The following SEC31B variants were observed in gnomAD, a reference collection of about 807,000 sequenced individuals.
SEC31B encodes SEC31 homolog B, COPII component.
In SEC31B, 113 loss-of-function variants were observed where a neutral mutation model predicts 135.0. The observed-to-expected ratio is 0.84, with a 90% CI of 0.72 to 0.98. SEC31B has a LOEUF of 0.98. Among genes scored for constraint, SEC31B ranks in the 50% least tolerant of loss-of-function variants. The pLI, the probability that SEC31B is intolerant of heterozygous loss-of-function variation, is 0.00. For missense variants in SEC31B, 1,296 were observed against 1,421.1 expected (o/e 0.91, Z 1.42); for synonymous variants, 508 against 549.4 (o/e 0.92, Z 1.05).
chr10:100,505,324 ACAAAC>A, intron 10 of SEC31B, 32 bp downstream of exon 10: 12 of 1,603,644 alleles, frequency 7.5e-6, no homozygotes, highest in Admixed American at 5.1e-5. Context: ...ACACACACAC[ACAAAC>A]ACACACACAC....
Position 100,507,456 on chromosome 10 carries a change from A to G in SEC31B, c.751T>C (p.Ser251Pro). 1.1e-5 allele frequency: 18 copies of G among 1,614,234 alleles called. No individual in the cohort carries two copies. Among genetic ancestry groups the G allele is most frequent in the Non-Finnish European group, 1.5e-5 (18 of 1,180,040 alleles). Residue 251 changes from serine to proline, a missense_variant, in exon 7 of 26, where the codon TCG becomes CCG. Ser to Pro is a moderately conservative substitution (Grantham distance 74). Transcript: ENST00000370345. Reference sequence around the variant, plus strand: ...TGGCTCTCCAGCACCTTCAAGGGCGAGGAGGCAAAGCGCAAGTCCCACAGC... The same window carrying G: ...TGGCTCTCCAGCACCTTCAAGGGCGGGGAGGCAAAGCGCAAGTCCCACAGC... ...IQLWDLRFASSPLKVLESHSR... is the reference protein window; with the variant it reads ...IQLWDLRFASPPLKVLESHSR...
intron 5 of SEC31B, chr10:100,508,685 C>A: frequency 4.7e-6 from 2 of 426,274 alleles, no homozygotes; most frequent in Non-Finnish European, 8.8e-6. Flanking sequence ...CAATGCCCTA[C>A]CCAACCCTGC....
At chr10:100,489,887 TC>T in intron 21 of SEC31B, 120 bp downstream of exon 21, 1 of 1,545,926 alleles carries the variant, frequency 6.5e-7, no homozygotes, top group Middle Eastern at 1.7e-4. Flanking sequence ...CCATCTACAC[TC>T]CCAGCCACCC....
rs201880976 is a variant in SEC31B, at chr10:100,495,697, T to C, written c.2311-151A>G. On this transcript the variant is annotated intron_variant, in intron 18 of 25. Transcript: ENST00000370345. ...TTGTTCTGTTCTGTTTTGTTTTGTT[T>C]TAGGTTTTTAGCAGCCTGAAGCCAT... 137 of 921,256 alleles carry C rather than the reference T, an allele frequency of 1.5e-4. No individual in the cohort carries two copies. The East Asian group carries it at 3.3e-3, about 22-fold the overall frequency. 57.1% of individuals were successfully genotyped at this position (921,256 alleles called of 1,614,324 possible).
At chr10:100,492,681 C>T (rs571069808) in intron 19 of SEC31B, among the ~76,000 whole-genome samples, 3 of 152,258 alleles carry the variant, frequency 2.0e-5, no homozygotes, top group African/African-American at 7.2e-5. Context: ...ATGGAATCCA[C>T]AAAAAACTTC....
At position 100,498,149 on chromosome 10, in the gene SEC31B, C is replaced by T. The variant is rs1254377628; in HGVS notation, c.1743G>A (p.Glu581=). The part of the protein sequence containing the change: ...LLLGELGPAV[E]LCLKEERFAD... Reference sequence around the variant, plus strand: ...CAAAGCGCTCCTCCTTCAGACACAGCTCCACGGCCGGACCCAGTTCCCCAA... The same window carrying T: ...CAAAGCGCTCCTCCTTCAGACACAGTTCCACGGCCGGACCCAGTTCCCCAA... The change falls in exon 15 of 26, where the codon GAG becomes GAA. Residue 581 remains glutamate (E), a synonymous_variant. Coordinates refer to ENST00000370345, the MANE Select transcript of SEC31B (RefSeq NM_015490.4). 1.2e-6 allele frequency: 2 copies of T among 1,614,216 alleles called. No individual in the cohort carries two copies. Among genetic ancestry groups the T allele is most frequent in the Non-Finnish European group, 1.7e-6 (2 of 1,180,038 alleles).
intron 5 of SEC31B, 80 bp from the exon 6 acceptor site, chr10:100,508,131 C>A (rs1851668500): frequency 6.5e-7 from 1 of 1,545,686 alleles, no homozygotes; most frequent in Non-Finnish European, 8.9e-7. Context: ...CTGCTCCCAG[C>A]CACCCACAGC....
intron 24 of SEC31B, among the ~76,000 whole-genome samples, 165 bp downstream of exon 24, chr10:100,488,693 A>G (rs1459899309): frequency 6.6e-6 from 1 of 152,136 alleles, no homozygotes; most frequent in African/African-American, 2.4e-5. Flanking sequence ...ACCAGACTCA[A>G]AAGTCTCTCC....
intron 22 of SEC31B, 107 bp from the exon 23 acceptor site, chr10:100,489,505 T>A: frequency 7.1e-7 from 1 of 1,411,602 alleles, no homozygotes; most frequent in Non-Finnish European, 9.8e-7. Flanking sequence ...AGAGTGAGTG[T>A]GGGAAACTGG....
At chr10:100,510,775 G>GC (rs1851723014) in intron 3 of SEC31B, among the ~76,000 whole-genome samples, 1 of 152,232 alleles carries the variant, frequency 6.6e-6, no homozygotes, top group South Asian at 2.1e-4. Flanking sequence ...AGCATCTGAA[G>GC]CAAAACAGCA....
intron 3 of SEC31B, among the ~76,000 whole-genome samples, chr10:100,514,980 CAAAAAA>C (rs1232368371): frequency 1.6e-5 from 1 of 63,952 alleles, no homozygotes; most frequent in East Asian, 4.5e-4. Flanking sequence ...GACTCCATCT[CAAAAAA>C]AAAAAAAAAA....
Position 100,489,290 on chromosome 10 carries a change from G to A in SEC31B, c.3133C>T (p.His1045Tyr). The A allele has an allele frequency of 6.2e-7, 1 of 1,612,752 alleles. No homozygotes were observed. Among genetic ancestry groups the A allele is most frequent in the Non-Finnish European group, 8.5e-7 (1 of 1,179,574 alleles). ...PSQPPVSSVS[H>Y]APPGVPGELS... ...TCTCCTGGAACTCCTGGGGGAGCAT[G>A]ACTCACACTGGAGACAGGGGGCTGT... Residue 1045 changes from histidine (H) to tyrosine (Y), a missense_variant, in exon 23 of 26, where the codon CAT becomes TAT. His to Tyr is a moderately conservative substitution (Grantham distance 83). Coordinates refer to ENST00000370345, the MANE Select transcript of SEC31B (RefSeq NM_015490.4).
intron 9 of SEC31B, 126 bp from the exon 10 acceptor site, chr10:100,505,621 A>T: frequency 6.9e-7 from 1 of 1,453,338 alleles, no homozygotes; most frequent in South Asian, 1.5e-5. Context: ...TCAGACTCCC[A>T]TATTCCAGGG....
chr10:100,487,500 G>T lies in SEC31B; in HGVS notation c.*116C>A, dbSNP rs1411287089. ...CCAAGCCTACAGCATCACATACCTG[G>T]CAGCAAGGAAAAGAGTCGGGAAAAA... is the stretch of plus-strand genomic sequence containing the variant. On this transcript the variant is annotated 3_prime_UTR_variant, in exon 26 of 26. Transcript: ENST00000370345. The T allele has an allele frequency of 4.0e-6, 4 of 995,156 alleles. No individual in the cohort carries two copies. In the African/African-American group the frequency reaches 4.9e-5, roughly 12 times the overall value. 61.6% of individuals were successfully genotyped at this position (995,156 alleles called of 1,614,324 possible). A position where few individuals can be genotyped will look rare whatever the true frequency, so the allele number is the denominator to read the frequency against.
At chr10:100,516,814 A>C in intron 2 of SEC31B, 60 bp downstream of exon 2, 1 of 1,224,114 alleles carries the variant, frequency 8.2e-7, no homozygotes, top group Non-Finnish European at 1.2e-6. Context: ...AATTCTAGAT[A>C]CTAAGTTTCC....
At chr10:100,518,083 C>T (rs1411544887) in intron 1 of SEC31B, among the ~76,000 whole-genome samples, 3 of 152,200 alleles carry the variant, frequency 2.0e-5, no homozygotes, top group Non-Finnish European at 2.9e-5. Flanking sequence ...CAGGAGTGAA[C>T]TTCTAAAATA....
chr10:100,489,738 C>T lies in SEC31B; in HGVS notation c.2989G>A (p.Ala997Thr), dbSNP rs1564647729. 3 of 1,613,954 alleles carry T rather than the reference C, an allele frequency of 1.9e-6. No individual in the cohort carries two copies. Among genetic ancestry groups the T allele is most frequent in the Non-Finnish European group, 2.5e-6 (3 of 1,179,952 alleles). Residue 997 changes from alanine to threonine, a missense_variant, in exon 22 of 26, where the codon GCC (alanine) becomes ACC (threonine). Coordinates refer to ENST00000370345, the MANE Select transcript of SEC31B (RefSeq NM_015490.4). ...HPGPQDSWKE[A>T]PAPRGNLQRN... is the part of the protein sequence containing the mutation. Reference sequence around the variant, plus strand: ...TGGAGGTTTCCCCTGGGGGCTGGGGCTTCTTTCCAGGAATCTTGAGGTCCT... The same window carrying T: ...TGGAGGTTTCCCCTGGGGGCTGGGGTTTCTTTCCAGGAATCTTGAGGTCCT...
rs749595318 is a variant in SEC31B at position 100,506,206 on chromosome 10, T to C, written c.883-5A>G. 2 of 1,614,034 alleles carry C rather than the reference T, an allele frequency of 1.2e-6. No individual in the cohort carries two copies. Among genetic ancestry groups the C allele is most frequent in the East Asian group, 2.2e-5 (1 of 44,896 alleles). On this transcript the variant is annotated splice_region_variant and splice_polypyrimidine_tract_variant and intron_variant, in intron 8 of 25. Transcript: ENST00000370345. ...TGTTGGTAGCTTATATACCACCTAA[T>C]ATGAGGGAACACACCATTAGGGACA...
intron 10 of SEC31B, among the ~76,000 whole-genome samples, chr10:100,503,393 G>T (rs997080677): frequency 6.6e-6 from 1 of 151,254 alleles, no homozygotes; most frequent in Non-Finnish European, 1.5e-5. Flanking sequence ...AGTATTTTTT[G>T]AATTATTCAG....
Sources: gnomAD v4.1 joint callset for allele counts (sites outside exome capture counted in the v4.1 genomes callset) on GRCh38, gnomAD v4.1.1 for gene constraint, MANE v1.5 for transcripts, NCBI Gene and HGNC (gene_info 2026-07-23, HGNC 2026-07-21) for gene names.